Variants in NPAS3 observed in about 807,000 individuals in gnomAD.
NPAS3 encodes neuronal PAS domain protein 3.
Under a neutral mutation model 73.1 loss-of-function variants are expected in NPAS3, and 14 were observed. That is an observed-to-expected ratio of 0.19 (90% CI 0.13 to 0.30). The LOEUF (loss-of-function observed/expected upper bound fraction) is 0.30. NPAS3 is among the 10% of genes least tolerant of loss of function. The pLI is 1.00. For synonymous variants in NPAS3, 620 were observed against 541.5 expected (o/e 1.14, Z -2.01); for missense variants, 1,096 against 1,250.0 (o/e 0.88, Z 1.86).
intron 2 of NPAS3, among the ~76,000 whole-genome samples, chr14:33,100,227 G>A (rs937171987): frequency 1.3e-5 from 2 of 152,148 alleles, no homozygotes; most frequent in African/African-American, 2.4e-5. Context: ...ATTCTGAATT[G>A]TAGCTAATGG....
intron 1 of NPAS3, among the ~76,000 whole-genome samples, chr14:32,959,729 A>G (rs982230244): frequency 3.3e-5 from 5 of 152,164 alleles, no homozygotes; most frequent in African/African-American, 9.7e-5. Context: ...CAGTAACAGC[A>G]TCACTACTTT....
intron 6 of NPAS3, among the ~76,000 whole-genome samples, chr14:33,716,469 A>G (rs1480296052): frequency 6.6e-6 from 1 of 151,996 alleles, no homozygotes; most frequent in Admixed American, 6.6e-5. Context: ...TTTGTGGTAA[A>G]ATATACATGA....
rs565119741 is a variant in NPAS3 at position 33,179,104 on chromosome 14, A to G, written c.141-36078A>G. 3.7e-4 allele frequency among the ~76,000 whole-genome samples: 56 copies of G among 152,172 alleles called. No homozygotes were observed. In the South Asian group the frequency reaches 9.3e-3, roughly 25 times the overall value. The stretch of plus-strand genomic sequence containing the variant: ...TGTTTTTTTTCCCTTTGCTCTCCCA[A>G]TGTGGTGTATTACATTTTTGAAGCA... On this transcript the variant is annotated intron_variant, in intron 2 of 11. Coordinates refer to ENST00000356141, the Ensembl canonical transcript of NPAS3.
At chr14:33,663,957 T>C (rs1156907683) in intron 5 of NPAS3, among the ~76,000 whole-genome samples, 1 of 151,182 alleles carries the variant, frequency 6.6e-6, no homozygotes, top group East Asian at 1.9e-4. Flanking sequence ...TGGCTAGTGG[T>C]CTATTTCGTT....
At position 33,692,836 on chromosome 14, in the gene NPAS3, TAA is replaced by T. The variant is rs34684535; in HGVS notation, c.733+16477_733+16478del. On this transcript the variant is annotated intron_variant, in intron 6 of 11. Coordinates refer to ENST00000356141, the Ensembl canonical transcript of NPAS3. ...CAAGTGTTTAAGTAGCCCAATGTCT[TAA>T]AAAAAAAAAAAAAAAAAAAAAAAAA... 7.0e-3 allele frequency among the ~76,000 whole-genome samples: 449 copies of T among 64,012 alleles called. 6 individuals carry two copies. Among genetic ancestry groups the T allele is most frequent in the African/African-American group, 0.019 (335 of 17,666 alleles). The allele number at this position is 64,012 out of a possible 152,430, so 42.0% of individuals were successfully genotyped here.
intron 4 of NPAS3, among the ~76,000 whole-genome samples, chr14:33,403,135 A>AT (rs1044124795): frequency 2.3e-4 from 35 of 152,128 alleles, no homozygotes; most frequent in African/African-American, 7.0e-4. Flanking sequence ...TTTTATCAGT[A>AT]TTGCATTTCC....
chr14:33,782,506 T>A (rs2063008375), intron 9 of NPAS3, among the ~76,000 whole-genome samples: 1 of 152,218 alleles, frequency 6.6e-6, no homozygotes, highest in African/African-American at 2.4e-5. Context: ...TCTCGAGATA[T>A]CCCTAGGGTT....
At chr14:33,603,376 G>A (rs566286187) in intron 5 of NPAS3, among the ~76,000 whole-genome samples, 1 of 152,244 alleles carries the variant, frequency 6.6e-6, no homozygotes, top group African/African-American at 2.4e-5. Context: ...CCTAATATCC[G>A]TGTAAGTCCC....
At chr14:33,284,913 C>A (rs1021377359) in intron 3 of NPAS3, among the ~76,000 whole-genome samples, 1 of 152,128 alleles carries the variant, frequency 6.6e-6, no homozygotes, top group Non-Finnish European at 1.5e-5. Flanking sequence ...CGCCTGCAGT[C>A]CTGCACTCAC....
downstream of NPAS3, chr14:33,803,537 T>C (rs1243359367): frequency 1.3e-5 from 2 of 152,184 alleles, no homozygotes; most frequent in Non-Finnish European, 2.9e-5. Flanking sequence ...GAAGCTCTAC[T>C]CTAGCTATCG....
intron 4 of NPAS3, among the ~76,000 whole-genome samples, chr14:33,558,905 C>G (rs1211783753): frequency 6.7e-6 from 1 of 150,106 alleles, no homozygotes; most frequent in Non-Finnish European, 1.5e-5. Flanking sequence ...GTACAAGCAG[C>G]ATTTGTGCAA....
At chr14:33,485,546 AC>A (rs1222291465) in intron 4 of NPAS3, among the ~76,000 whole-genome samples, 2 of 152,054 alleles carry the variant, frequency 1.3e-5, no homozygotes, top group African/African-American at 4.8e-5. Context: ...TCCCCCGACT[AC>A]CCCACCTTCA....
At chr14:33,655,729 T>C (rs1336356941) in intron 5 of NPAS3, among the ~76,000 whole-genome samples, 1 of 152,160 alleles carries the variant, frequency 6.6e-6, no homozygotes, top group African/African-American at 2.4e-5. Context: ...TTTTTTGTTT[T>C]GTTTCGTTTC....
intron 9 of NPAS3, among the ~76,000 whole-genome samples, chr14:33,786,326 G>A (rs1253800814): frequency 1.3e-5 from 2 of 152,156 alleles, no homozygotes; most frequent in Non-Finnish European, 2.9e-5. Context: ...TCCTGGAAAT[G>A]TTTCTGACTT....
intron 5 of NPAS3, among the ~76,000 whole-genome samples, chr14:33,604,531 G>T (rs1224240147): frequency 6.6e-6 from 1 of 152,082 alleles, no homozygotes; most frequent in Admixed American, 6.5e-5. Context: ...TGGATATTCT[G>T]ATACCCCTTT....
chr14:33,620,562 G>A (rs1057186522), intron 5 of NPAS3, among the ~76,000 whole-genome samples: 3 of 152,064 alleles, frequency 2.0e-5, no homozygotes, highest in South Asian at 2.1e-4. Context: ...CAAAGAAATG[G>A]CAAAGATGAA....
At chr14:33,686,845 GCT>G in intron 6 of NPAS3, among the ~76,000 whole-genome samples, 1 of 152,078 alleles carries the variant, frequency 6.6e-6, no homozygotes, top group East Asian at 1.9e-4. Context: ...TTCCCAGGCA[GCT>G]CTGTTTGAGT....
rs2054747108 is a variant in NPAS3, at chr14:33,544,825, A to ATTATATATATATATAAT, written c.469-15295_469-15294insTATATATATATATAATT. Among the ~76,000 whole-genome samples, 86 of 112,162 alleles carry ATTATATATATATATAAT rather than the reference A, an allele frequency of 7.7e-4. 1 individual carries two copies. The highest frequency in any genetic ancestry group is 9.3e-3 in the Middle Eastern group (2 of 216). The allele number at this position is 112,162 out of a possible 152,430, so 73.6% of individuals were successfully genotyped here. A position where few individuals can be genotyped will look rare whatever the true frequency, so the allele number is the denominator to read the frequency against. On this transcript the variant is annotated intron_variant, in intron 4 of 11. Transcript: ENST00000356141. ...ATATATATATATGTATATATAATATATATGTGTATATATATATTATATATA... is the reference window on the plus strand; with the variant it reads ...ATATATATATATGTATATATAATATATTATATATATATATAATTATGTGTATATATATATTATATATA...
At chr14:33,135,589 C>T (rs540365368) in intron 2 of NPAS3, among the ~76,000 whole-genome samples, 1 of 151,874 alleles carries the variant, frequency 6.6e-6, no homozygotes, top group African/African-American at 2.4e-5. Flanking sequence ...CAGCTTTTTG[C>T]AATTCTGATT....
Sources: allele counts gnomAD v4.1 joint callset (sites outside exome capture counted in the v4.1 genomes callset), GRCh38; gene constraint gnomAD v4.1.1; transcripts MANE v1.5; gene names NCBI Gene and HGNC (gene_info 2026-07-23, HGNC 2026-07-21).